Variants in CAMKMT observed in about 807,000 individuals in gnomAD.
CAMKMT encodes calmodulin-lysine N-methyltransferase.
Under a neutral mutation model 48.0 loss-of-function variants are expected in CAMKMT, and 53 were observed. That is an observed-to-expected ratio of 1.10 (90% CI 0.89 to 1.39). The LOEUF is 1.39. Ranked by LOEUF, CAMKMT falls within the 40% of genes most tolerant of loss-of-function variation. CAMKMT has a pLI of 0.00. For missense variants in CAMKMT, 428 were observed against 402.7 expected (o/e 1.06, Z -0.54); for synonymous variants, 165 against 152.3 (o/e 1.08, Z -0.61).
chr2:44,444,044 A>G (rs553060136), intron 3 of CAMKMT, among the ~76,000 whole-genome samples: 18 of 152,330 alleles, frequency 1.2e-4, no homozygotes, highest in African/African-American at 4.3e-4. Context: ...AGGTCTTTGA[A>G]GGAGATAAGT....
chr2:44,523,342 T>A (rs1671223013), intron 3 of CAMKMT, among the ~76,000 whole-genome samples: 1 of 148,818 alleles, frequency 6.7e-6, no homozygotes, highest in Admixed American at 6.7e-5. Context: ...GCCCAGGGTA[T>A]AGTGCAATGG....
intron 7 of CAMKMT, among the ~76,000 whole-genome samples, chr2:44,728,123 A>T (rs570879682): frequency 6.6e-6 from 1 of 152,136 alleles, no homozygotes; most frequent in Non-Finnish European, 1.5e-5. Flanking sequence ...ACAGGGTCTA[A>T]TTTTGCTGCC....
chr2:44,373,447 A>T (rs1434546894), intron 2 of CAMKMT, among the ~76,000 whole-genome samples: 2 of 152,190 alleles, frequency 1.3e-5, no homozygotes, highest in Non-Finnish European at 2.9e-5. Flanking sequence ...ACAAGATACC[A>T]TTTTACTGAA....
intron 3 of CAMKMT, among the ~76,000 whole-genome samples, chr2:44,670,043 C>A (rs1284107363): frequency 6.6e-6 from 1 of 152,042 alleles, no homozygotes; most frequent in Admixed American, 6.5e-5. Flanking sequence ...GTATTTTTGG[C>A]CCATTTTTCT....
intron 3 of CAMKMT, among the ~76,000 whole-genome samples, chr2:44,537,225 T>A (rs1385402413): frequency 3.9e-5 from 6 of 152,094 alleles, no homozygotes; most frequent in Non-Finnish European, 5.9e-5. Context: ...AATAAAGGCA[T>A]AACCTTCTGA....
intron 3 of CAMKMT, among the ~76,000 whole-genome samples, chr2:44,556,421 G>A (rs1279410057): frequency 6.8e-6 from 1 of 146,902 alleles, no homozygotes. Flanking sequence ...TTACAGGCAT[G>A]AGCCACCGTG....
At chr2:44,585,014 C>A (rs1429941851) in intron 3 of CAMKMT, among the ~76,000 whole-genome samples, 2 of 151,360 alleles carry the variant, frequency 1.3e-5, no homozygotes, top group African/African-American at 4.9e-5. Flanking sequence ...GAGATCGCAC[C>A]ACTGCACTCC....
intron 3 of CAMKMT, among the ~76,000 whole-genome samples, chr2:44,578,007 C>T (rs1669328622): frequency 6.6e-6 from 1 of 152,150 alleles, no homozygotes; most frequent in East Asian, 1.9e-4. Flanking sequence ...CTTCAGACTT[C>T]ACTCTCTTGT....
chr2:44,409,444 G>A (rs1683041109), intron 3 of CAMKMT, among the ~76,000 whole-genome samples: 1 of 151,928 alleles, frequency 6.6e-6, no homozygotes, highest in Non-Finnish European at 1.5e-5. Context: ...ATCTCCTCTT[G>A]AAATTTCACA....
chr2:44,529,482 G>C (rs72881117), intron 3 of CAMKMT, among the ~76,000 whole-genome samples: 2,881 of 152,278 alleles, frequency 0.019, 72 homozygotes, highest in African/African-American at 0.06. Context: ...AAATAAATGT[G>C]TTAGTGTGGT....
chr2:44,568,792 C>G (rs1336821100), intron 3 of CAMKMT, among the ~76,000 whole-genome samples: 1 of 152,032 alleles, frequency 6.6e-6, no homozygotes, highest in Non-Finnish European at 1.5e-5. Context: ...ACAGAGGGCA[C>G]AAAAGACTAA....
chr2:44,576,920 G>T (rs1669257415), intron 3 of CAMKMT, among the ~76,000 whole-genome samples: 1 of 152,136 alleles, frequency 6.6e-6, no homozygotes. Context: ...TTTGTGGAAA[G>T]AATACCTGTG....
At chr2:44,550,128 GGT>G (rs1667628834) in intron 3 of CAMKMT, among the ~76,000 whole-genome samples, 2 of 152,126 alleles carry the variant, frequency 1.3e-5, no homozygotes, top group Admixed American at 1.3e-4. Context: ...CACTGGGCGT[GGT>G]GATTCACATT....
At chr2:44,455,819 T>C (rs536631321) in intron 3 of CAMKMT, among the ~76,000 whole-genome samples, 1 of 152,226 alleles carries the variant, frequency 6.6e-6, no homozygotes, top group African/African-American at 2.4e-5. Context: ...AATCTATTGT[T>C]GTTGTTTTAG....
intron 3 of CAMKMT, among the ~76,000 whole-genome samples, chr2:44,558,141 A>G (rs985654516): frequency 6.6e-6 from 1 of 152,008 alleles, no homozygotes; most frequent in Non-Finnish European, 1.5e-5. Flanking sequence ...TGCAGCCTCG[A>G]ACTCCTGGGC....
chr2:44,632,426 A>G (rs1306808380), intron 3 of CAMKMT, among the ~76,000 whole-genome samples: 1 of 152,174 alleles, frequency 6.6e-6, no homozygotes, highest in Non-Finnish European at 1.5e-5. Context: ...ATTTCATCGT[A>G]TGTATTTGAG....
In CAMKMT at chr2:44,654,197, A is replaced by G. The variant is rs561522777; in HGVS notation, c.377-50086A>G. 6.9e-3 allele frequency among the ~76,000 whole-genome samples: 1,052 copies of G among 152,336 alleles called. 5 individuals are homozygous for G. The highest frequency in any genetic ancestry group is 0.011 in the Non-Finnish European group (778 of 68,020). Reference sequence around the variant, plus strand: ...TAAATTTCCAAGGTAAATCTCAAACATCAGATAACATTTCCAAATCCAGTT... The same window carrying G: ...TAAATTTCCAAGGTAAATCTCAAACGTCAGATAACATTTCCAAATCCAGTT... On this transcript the variant is annotated intron_variant, in intron 3 of 10. Transcript: ENST00000378494.
intron 3 of CAMKMT, among the ~76,000 whole-genome samples, chr2:44,610,152 G>A (rs1172902726): frequency 6.6e-6 from 1 of 152,112 alleles, no homozygotes; most frequent in Non-Finnish European, 1.5e-5. Context: ...ATTGAGAAGA[G>A]ATTTATTGAG....
intron 3 of CAMKMT, among the ~76,000 whole-genome samples, chr2:44,639,900 T>C (rs1160695018): frequency 6.6e-6 from 1 of 152,186 alleles, no homozygotes; most frequent in Admixed American, 6.5e-5. Context: ...TGGTTTATGT[T>C]TTGGATTGTC....
Sources: gnomAD v4.1 joint callset for allele counts (sites outside exome capture counted in the v4.1 genomes callset) on GRCh38, gnomAD v4.1.1 for gene constraint, MANE v1.5 for transcripts, NCBI Gene and HGNC (gene_info 2026-07-23, HGNC 2026-07-21) for gene names.